The following TPRG1 variants were observed in gnomAD, a reference collection of about 807,000 sequenced individuals.
The protein encoded by TPRG1 is tumor protein p63-regulated gene 1 protein.
In TPRG1, 29 loss-of-function variants were observed where a neutral mutation model predicts 29.3. That is an observed-to-expected ratio of 0.99 (90% CI 0.74 to 1.35). TPRG1 has a LOEUF of 1.35. TPRG1 is among the 40% of genes most tolerant of loss of function. The pLI is 0.00. For missense variants in TPRG1, 327 were observed against 335.0 expected (o/e 0.98, Z 0.19); for synonymous variants, 130 against 116.8 (o/e 1.11, Z -0.73).
intron 1 of TPRG1, among the ~76,000 whole-genome samples, chr3:189,105,240 C>A (rs1369823785): frequency 6.6e-6 from 1 of 151,958 alleles, no homozygotes; most frequent in Non-Finnish European, 1.5e-5. Flanking sequence ...GTTAAGGAGG[C>A]TTTTTTCAAT....
chr3:189,062,859 A>G (rs994506123), intron 4 of TPRG1, among the ~76,000 whole-genome samples: 1 of 152,056 alleles, frequency 6.6e-6, no homozygotes, highest in Non-Finnish European at 1.5e-5. Context: ...TAACAGAGTA[A>G]CAAGAACCAG....
intron 2 of TPRG1, chr3:189,212,318 T>C (rs147774380): frequency 1.5e-3 from 231 of 152,340 alleles, no homozygotes; most frequent in African/African-American, 5.3e-3. Flanking sequence ...TTCAGGACTT[T>C]CCATTGTGTA....
In TPRG1 at chr3:189,312,185, T is replaced by TTTC. The variant is rs1560689700; in HGVS notation, c.633+1648_633+1649insCTT. Among the ~76,000 whole-genome samples, 37 of 47,436 alleles carry TTTC rather than the reference T, an allele frequency of 7.8e-4. 2 individuals are homozygous for TTTC. The highest frequency in any genetic ancestry group is 1.3e-3 in the Non-Finnish European group (31 of 24,700). The allele number at this position is 47,436 out of a possible 152,430, so 31.1% of individuals were successfully genotyped here. ...TCTTTCTTTCTTTCTTTCTTTCTTT[T>TTTC]TTTCTTTCTTTCTTTCTTTCTTTCT... On this transcript the variant is annotated intron_variant, in intron 5 of 5. Coordinates refer to ENST00000345063, the MANE Select transcript of TPRG1 (RefSeq NM_198485.4).
chr3:189,141,967 T>C (rs1724629948), intron 3 of TPRG1, among the ~76,000 whole-genome samples: 1 of 151,928 alleles, frequency 6.6e-6, no homozygotes, highest in Non-Finnish European at 1.5e-5. Context: ...GCAATAAGGA[T>C]GACAAAGATG....
At chr3:189,062,303 G>A (rs1040313805) in intron 4 of TPRG1, among the ~76,000 whole-genome samples, 1 of 152,146 alleles carries the variant, frequency 6.6e-6, no homozygotes, top group Non-Finnish European at 1.5e-5. Flanking sequence ...GAGGACTGAG[G>A]AGGAAGAGGA....
At chr3:189,111,649 G>A (rs1019093961) in intron 1 of TPRG1, among the ~76,000 whole-genome samples, 5 of 152,076 alleles carry the variant, frequency 3.3e-5, no homozygotes, top group African/African-American at 1.2e-4. Context: ...GACATTTCAG[G>A]ATGTAACTTC....
chr3:189,155,537 G>T (rs984033674), intron 5 of TPRG1, among the ~76,000 whole-genome samples: 2 of 152,090 alleles, frequency 1.3e-5, no homozygotes, highest in African/African-American at 4.8e-5. Context: ...GTTAGAAAGA[G>T]AGAAGGTGAT....
chr3:189,295,316 AGG>A (rs1719711248), intron 4 of TPRG1, among the ~76,000 whole-genome samples: 1 of 152,130 alleles, frequency 6.6e-6, no homozygotes, highest in African/African-American at 2.4e-5. Context: ...AACAATGCCA[AGG>A]CTGTGTTGTG....
At chr3:189,197,126 T>G (rs1732672540) in intron 1 of TPRG1, among the ~76,000 whole-genome samples, 1 of 152,210 alleles carries the variant, frequency 6.6e-6, no homozygotes, top group Non-Finnish European at 1.5e-5. Flanking sequence ...AGAGGCTTGC[T>G]TTAATGTGTA....
chr3:189,127,330 C>T (rs1722601590), intron 2 of TPRG1: 1 of 152,098 alleles, frequency 6.6e-6, no homozygotes, highest in Non-Finnish European at 1.5e-5. Context: ...GGTGTCTGCT[C>T]CATCAAAAAC....
intron 4 of TPRG1, among the ~76,000 whole-genome samples, chr3:189,303,296 T>C (rs544981610): frequency 2.8e-4 from 42 of 152,340 alleles, no homozygotes; most frequent in African/African-American, 9.4e-4. Context: ...AGAATGACTT[T>C]CATCCAAATT....
chr3:189,127,118 AG>A (rs1034702173), exon 2 of TPRG1: 11 of 152,334 alleles, frequency 7.2e-5, no homozygotes, highest in African/African-American at 2.4e-4. Context: ...GTTGATTCAC[AG>A]AAAGCCTGTT....
At chr3:189,063,237 CAG>C (rs1283550786) in intron 4 of TPRG1, among the ~76,000 whole-genome samples, 1 of 151,988 alleles carries the variant, frequency 6.6e-6, no homozygotes, top group East Asian at 1.9e-4. Context: ...CACCAAAAAA[CAG>C]AGCTTCAAAA....
At chr3:189,208,462 G>C (rs1441120629) in intron 2 of TPRG1, among the ~76,000 whole-genome samples, 1 of 152,040 alleles carries the variant, frequency 6.6e-6, no homozygotes, top group African/African-American at 2.4e-5. Context: ...TAAAAAATTG[G>C]GGCCAGGGTT....
At chr3:189,118,564 A>T (rs1721447491) in intron 1 of TPRG1, among the ~76,000 whole-genome samples, 3 of 152,296 alleles carry the variant, frequency 2.0e-5, no homozygotes, top group African/African-American at 7.2e-5. Context: ...TAAGAAGGAA[A>T]AATGGTTGTG....
In TPRG1 at chr3:189,305,620, C is replaced by T. The variant is rs182162902; in HGVS notation, c.480-4766C>T. 8.0e-4 allele frequency among the ~76,000 whole-genome samples: 122 copies of T among 152,254 alleles called. 1 individual carries two copies. Among genetic ancestry groups the T allele is most frequent in the South Asian group, 1.2e-3 (6 of 4,828 alleles). ...CTCTGGTCTTCTATCCTGCCAACAACGGTGTTTGAGTAGAACTCTGAATCT... is the reference window on the plus strand; with the variant it reads ...CTCTGGTCTTCTATCCTGCCAACAATGGTGTTTGAGTAGAACTCTGAATCT... On this transcript the variant is annotated intron_variant, in intron 4 of 5. Transcript: ENST00000345063.
At chr3:189,029,866 C>T (rs959059434) in intron 4 of TPRG1, among the ~76,000 whole-genome samples, 7 of 152,146 alleles carry the variant, frequency 4.6e-5, no homozygotes, top group Non-Finnish European at 7.3e-5. Context: ...TCATGTGATA[C>T]GCTGGCTCCC....
intron 5 of TPRG1, among the ~76,000 whole-genome samples, chr3:189,314,939 G>T (rs1051017685): frequency 3.9e-5 from 6 of 152,090 alleles, no homozygotes; most frequent in African/African-American, 1.4e-4. Flanking sequence ...AGGCAACAGA[G>T]TAAGACCATG....
intron 1 of TPRG1, among the ~76,000 whole-genome samples, chr3:189,112,082 G>A (rs116461495): frequency 0.01 from 1,567 of 152,110 alleles, 27 homozygotes; most frequent in African/African-American, 0.034. Flanking sequence ...TTTGTATTCT[G>A]TTGATATGAT....
Sources: allele counts gnomAD v4.1 joint callset (sites outside exome capture counted in the v4.1 genomes callset), GRCh38; gene constraint gnomAD v4.1.1; transcripts MANE v1.5; gene names NCBI Gene and HGNC (gene_info 2026-07-23, HGNC 2026-07-21).